Variants in FANCD2 observed in about 807,000 individuals in gnomAD.
The protein encoded by FANCD2 is Fanconi anemia group D2 protein.
FANCD2 carries 131 observed loss-of-function variants against 192.3 expected under a neutral mutation model. The observed-to-expected ratio is 0.68, with a 90% CI of 0.59 to 0.79. The LOEUF is 0.79. FANCD2 is among the 30% of genes least tolerant of loss of function. The pLI is 0.00. For missense variants in FANCD2, 1,508 were observed against 1,701.6 expected (o/e 0.89, Z 2.00); for synonymous variants, 524 against 612.5 (o/e 0.86, Z 2.13).
Position 10,078,080 on chromosome 3 carries a change from G to A in FANCD2, c.2860-1G>A. The A allele has an allele frequency of 6.3e-7, 1 of 1,595,706 alleles. No homozygotes were observed. Among genetic ancestry groups the A allele is most frequent in the Non-Finnish European group, 8.6e-7 (1 of 1,163,502 alleles). On this transcript the variant is annotated splice_acceptor_variant, in intron 29 of 43. Transcript: ENST00000675286. LOFTEE classifies it high-confidence loss of function. ...AACTAATCCTTTCCTCCATGTGACA[G>A]GCTACAGAAGTTGTGCAACTTGGGC...
In FANCD2 at chr3:10,043,080, C is replaced by G. The variant is rs1486958347; in HGVS notation, c.919C>G (p.Leu307Val). 6.8e-6 allele frequency: 11 copies of G among 1,614,076 alleles called. 1 individual carries two copies. In the South Asian group the frequency reaches 1.2e-4, roughly 18 times the overall value. Residue 307 changes from leucine to valine, a missense_variant, in exon 12 of 44, where the codon CTG becomes GTG. Physicochemically the swap from Leu to Val is conservative, Grantham distance 32. This residue lies in a region of FANCD2 where 435 missense variants were observed against 421.9 expected (regional missense o/e 1.03). Transcript: ENST00000675286. ...VISELREKLD[L>V]QHCVLPSRLQ... The stretch of plus-strand genomic sequence containing the variant: ...TTCTGAGCTTCGGGAGAAGTTGGAT[C>G]TGCAGCATTGTGTTTTGCCATCACG...
At chr3:10,042,717 T>A in intron 11 of FANCD2, 54 bp downstream of exon 11, 1 of 1,347,696 alleles carries the variant, frequency 7.4e-7, no homozygotes, top group East Asian at 2.3e-5. Flanking sequence ...TGCCAATTGC[T>A]CTTCTCTGTC....
chr3:10,042,372 A>G (rs1388935331), intron 10 of FANCD2, among the ~76,000 whole-genome samples, 187 bp from the exon 11 acceptor site: 3 of 152,190 alleles, frequency 2.0e-5, no homozygotes, highest in Admixed American at 6.5e-5. Flanking sequence ...ATTTTTGATG[A>G]AGCTGTGGTA....
chr3:10,073,338 A>C lies in FANCD2; in HGVS notation c.2691A>C (p.Pro897=), dbSNP rs1575809985. 1.2e-6 allele frequency: 2 copies of C among 1,612,936 alleles called. No homozygotes were observed. The highest frequency in any genetic ancestry group is 3.3e-5 in the Admixed American group (2 of 60,006). The change falls in exon 28 of 44, where the codon CCA becomes CCC. Residue 897 remains proline (P), a synonymous_variant. Transcript: ENST00000675286. ...AAAATTCAGAATGTGACCCTACGCC[A>C]TCTCATAGAGGCCAGCTAAACAAGG... ...EEKNSECDPT[P]SHRGQLNKEF...
chr3:10,027,133 C>T (rs901362879), intron 1 of FANCD2, among the ~76,000 whole-genome samples: 2 of 152,196 alleles, frequency 1.3e-5, no homozygotes, highest in Admixed American at 6.5e-5. Context: ...GCTTTTTTCA[C>T]TCTGAATATT....
intron 26 of FANCD2, among the ~76,000 whole-genome samples, chr3:10,072,112 C>T (rs1693286262): frequency 6.6e-6 from 1 of 152,154 alleles, no homozygotes; most frequent in Non-Finnish European, 1.5e-5. Flanking sequence ...CAATAACTTA[C>T]TGTACATTTA....
chr3:10,071,738 TTAGA>T (rs747161300), intron 26 of FANCD2, among the ~76,000 whole-genome samples: 2 of 152,108 alleles, frequency 1.3e-5, no homozygotes, highest in Non-Finnish European at 2.9e-5. Context: ...AAAAATATAA[TTAGA>T]TAGAATGAAT....
intron 8 of FANCD2, 40 bp downstream of exon 8, chr3:10,039,397 G>A (rs887046870): frequency 6.8e-7 from 1 of 1,477,394 alleles, no homozygotes. Context: ...TAAAGAGTAT[G>A]TTTCTCATAT....
intron 14 of FANCD2, 50 bp from the exon 15 acceptor site, chr3:10,046,530 G>A (rs775624276): frequency 1.9e-6 from 3 of 1,610,626 alleles, no homozygotes; most frequent in Non-Finnish European, 2.5e-6. Context: ...TGTAGCAAAT[G>A]TACTGATTTG....
chr3:10,085,796 A>T lies in FANCD2; in HGVS notation c.3225-16A>T, dbSNP rs778974182. On this transcript the variant is annotated splice_polypyrimidine_tract_variant and intron_variant, in intron 32 of 43. Transcript: ENST00000675286. ...TCCAGAAACTAAGCTAACCCCTCTTACCTTGACTTCCTTAGGAGTGGATTT... is the reference window on the plus strand; with the variant it reads ...TCCAGAAACTAAGCTAACCCCTCTTTCCTTGACTTCCTTAGGAGTGGATTT... The T allele has an allele frequency of 2.9e-5, 46 of 1,564,902 alleles. No homozygotes were observed. The highest frequency in any genetic ancestry group is 3.7e-5 in the Non-Finnish European group (42 of 1,135,366).
intron 32 of FANCD2, among the ~76,000 whole-genome samples, chr3:10,084,104 C>T (rs893616235): frequency 1.3e-5 from 2 of 151,544 alleles, no homozygotes; most frequent in African/African-American, 2.4e-5. Context: ...AGCGATTCTT[C>T]TGCCTCAGCC....
chr3:10,028,683 A>T lies in FANCD2; in HGVS notation c.26A>T (p.Lys9Ile), dbSNP rs1575723630. 1 of 1,614,180 alleles carries T rather than the reference A, an allele frequency of 6.2e-7. No individual in the cohort carries two copies. Among genetic ancestry groups the T allele is most frequent in the Non-Finnish European group, 8.5e-7 (1 of 1,180,004 alleles). The change falls in exon 2 of 44, where the codon AAA becomes ATA. Residue 9 changes from lysine (K) to isoleucine (I), a missense_variant. This residue lies in a region of FANCD2 where 435 missense variants were observed against 421.9 expected (regional missense o/e 1.03). Transcript: ENST00000675286. ...ATGGTTTCCAAAAGAAGACTGTCAAAATCTGAGGATAAAGAGAGCCTGACA... is the reference window on the plus strand; with the variant it reads ...ATGGTTTCCAAAAGAAGACTGTCAATATCTGAGGATAAAGAGAGCCTGACA... MVSKRRLS[K>I]SEDKESLTED...
intron 2 of FANCD2, among the ~76,000 whole-genome samples, chr3:10,029,484 A>C (rs908939109): frequency 3.9e-5 from 6 of 152,194 alleles, no homozygotes; most frequent in Non-Finnish European, 7.3e-5. Context: ...CCTAGGCGAC[A>C]GAGCAAGAGA....
At chr3:10,067,410 C>T in intron 26 of FANCD2, 93 bp downstream of exon 26, 2 of 761,978 alleles carry the variant, frequency 2.6e-6, no homozygotes, top group Admixed American at 2.1e-5. Flanking sequence ...CAGACAAAGA[C>T]ACATCAAAAA....
intron 34 of FANCD2, 36 bp downstream of exon 34, chr3:10,087,300 T>G (rs80319361): frequency 1.4e-6 from 2 of 1,437,774 alleles, no homozygotes; most frequent in Admixed American, 1.9e-5. Flanking sequence ...TTTTTTTTTT[T>G]AATGAATAGG....
intron 40 of FANCD2, 115 bp downstream of exon 40, chr3:10,094,478 T>C (rs1694836075): frequency 2.3e-6 from 2 of 876,582 alleles, no homozygotes; most frequent in African/African-American, 1.6e-5. Context: ...TCTGGTCCAC[T>C]TCAGCTGTAG....
chr3:10,078,565 A>G (rs1693656273), intron 30 of FANCD2, among the ~76,000 whole-genome samples: 4 of 150,066 alleles, frequency 2.7e-5, no homozygotes, highest in African/African-American at 7.3e-5. Context: ...CGTGTTAGCC[A>G]GGATGGTCTC....
rs1027159907 is a variant in FANCD2, at chr3:10,099,388, C to T, written c.4281+573C>T. On this transcript the variant is annotated intron_variant, in intron 43 of 43. Coordinates refer to ENST00000675286, the MANE Select transcript of FANCD2 (RefSeq NM_001018115.3). ...TTGTAATCCTAGCACTTTTTGAGGC[C>T]AAGGTAGGAGGATTGCTTGAGTCCG... The T allele has an allele frequency of 4.6e-6, 5 of 1,086,868 alleles. No individual in the cohort carries two copies. In the African/African-American group the frequency reaches 8.4e-5, roughly 18 times the overall value. The allele number at this position is 1,086,868 out of a possible 1,614,324, so 67.3% of individuals were successfully genotyped here.
chr3:10,054,348 TATAC>T (rs2087311552), intron 18 of FANCD2, among the ~76,000 whole-genome samples: 1 of 128,118 alleles, frequency 7.8e-6, no homozygotes, highest in African/African-American at 3.5e-5. Flanking sequence ...TATATATATA[TATAC>T]GTATATATAT....
Sources: gnomAD v4.1 joint callset for allele counts (sites outside exome capture counted in the v4.1 genomes callset) on GRCh38, gnomAD v4.1.1 for gene constraint, gnomAD v4.1.1 regional missense constraint, MANE v1.5 for transcripts, NCBI Gene and HGNC (gene_info 2026-07-23, HGNC 2026-07-21) for gene names.